Variants in ADGRV1 observed in about 807,000 individuals in gnomAD.
ADGRV1 encodes the protein G-protein coupled receptor 98.
Under a neutral mutation model 596.2 loss-of-function variants are expected in ADGRV1, and 359 were observed. The ratio of observed to expected loss-of-function variants is 0.60; its 90% confidence interval spans 0.55 to 0.66. The LOEUF (loss-of-function observed/expected upper bound fraction) is 0.66, where lower values mean the gene tolerates loss of function less well. ADGRV1 is among the 30% of genes least tolerant of loss of function. The probability of loss-of-function intolerance (pLI) is 0.00; values close to 1 mark genes in which losing one functional copy is unlikely to be tolerated. For synonymous variants in ADGRV1, 2,681 were observed against 2,679.2 expected (o/e 1.00, Z -0.02); for missense variants, 7,274 against 7,575.6 (o/e 0.96, Z 1.48).
chr5:91,105,575 C>T (rs1420023722), intron 87 of ADGRV1, among the ~76,000 whole-genome samples: 4 of 152,088 alleles, frequency 2.6e-5, no homozygotes, highest in African/African-American at 9.7e-5. Context: ...TTTGCATTTC[C>T]CTGATGATTA....
intron 83 of ADGRV1, among the ~76,000 whole-genome samples, chr5:90,930,013 T>G (rs1409359332): frequency 1.3e-5 from 2 of 152,218 alleles, no homozygotes; most frequent in Non-Finnish European, 2.9e-5. Flanking sequence ...ATATTTAAAA[T>G]AGGCATTAAT....
At chr5:90,799,292 C>T (rs1255004286) in intron 70 of ADGRV1, among the ~76,000 whole-genome samples, 1 of 152,146 alleles carries the variant, frequency 6.6e-6, no homozygotes, top group Non-Finnish European at 1.5e-5. Context: ...AACAAACAAA[C>T]AGAGAGCCAG....
intron 89 of ADGRV1, among the ~76,000 whole-genome samples, chr5:91,157,149 C>A (rs1345680558): frequency 1.3e-5 from 2 of 152,146 alleles, no homozygotes; most frequent in African/African-American, 4.8e-5. Flanking sequence ...AACCTTGGTC[C>A]CTCTCAGGTC....
At chr5:91,159,844 C>T (rs564887346) in intron 89 of ADGRV1, among the ~76,000 whole-genome samples, 26 of 152,268 alleles carry the variant, frequency 1.7e-4, no homozygotes, top group Admixed American at 1.4e-3. Flanking sequence ...AACAAAGACT[C>T]AGGATGAGGG....
At chr5:91,059,599 A>G (rs1787216263) in intron 85 of ADGRV1, among the ~76,000 whole-genome samples, 1 of 152,214 alleles carries the variant, frequency 6.6e-6, no homozygotes. Flanking sequence ...GCCTCTACAT[A>G]TGTATGATCT....
Position 90,756,600 on chromosome 5 carries a change from C to T in ADGRV1, c.11727C>T (p.Pro3909=). 1 of 1,613,616 alleles carries T rather than the reference C, an allele frequency of 6.2e-7. No individual in the cohort carries two copies. Among genetic ancestry groups the T allele is most frequent in the Non-Finnish European group, 8.5e-7 (1 of 1,179,664 alleles). ...AEIMIEENDD[P]RGIFMFHVTR... is the part of the protein sequence containing the mutation. The stretch of plus-strand genomic sequence containing the variant: ...TAATGATAGAAGAAAATGACGATCC[C>T]AGAGGAATTTTTATGTTTCATGTTA... The change falls in exon 56 of 90, where the codon CCC becomes CCT. Residue 3909 remains proline, a synonymous_variant. Transcript: ENST00000405460.
chr5:90,783,045 T>C, intron 65 of ADGRV1, 79 bp from the exon 66 acceptor site: 1 of 1,119,676 alleles, frequency 8.9e-7, no homozygotes, highest in Non-Finnish European at 1.3e-6. Flanking sequence ...TATGTTTAAT[T>C]GCCAGGTTTA....
chr5:90,765,724 A>G (rs1254841448), intron 59 of ADGRV1, among the ~76,000 whole-genome samples: 1 of 151,606 alleles, frequency 6.6e-6, no homozygotes, highest in African/African-American at 2.4e-5. Flanking sequence ...GTTTTTGGAG[A>G]CAAGGGGTCT....
intron 1 of ADGRV1, among the ~76,000 whole-genome samples, chr5:90,578,831 T>G (rs1415914551): frequency 2.0e-5 from 3 of 152,320 alleles, no homozygotes; most frequent in Middle Eastern, 3.4e-3. Context: ...CTTCCTGGTG[T>G]AGTCTTGGGA....
At chr5:90,997,183 T>C (rs1273861043) in intron 85 of ADGRV1, among the ~76,000 whole-genome samples, 1 of 152,040 alleles carries the variant, frequency 6.6e-6, no homozygotes, top group African/African-American at 2.4e-5. Context: ...TATGATATAG[T>C]TTGGTTATGT....
intron 79 of ADGRV1, among the ~76,000 whole-genome samples, chr5:90,852,198 C>T (rs559847058): frequency 2.4e-4 from 37 of 152,204 alleles, no homozygotes; most frequent in African/African-American, 8.4e-4. Context: ...AATAGGGTAG[C>T]TGAGGTTACA....
At chr5:90,644,624 GTTTA>G (rs1767462793) in intron 14 of ADGRV1, 78 bp from the exon 15 acceptor site, 1 of 1,086,808 alleles carries the variant, frequency 9.2e-7, no homozygotes, top group East Asian at 2.5e-5. Flanking sequence ...TTTTATTTTT[GTTTA>G]TTTAACCGAT....
chr5:90,815,830 T>C (rs1236582014), intron 75 of ADGRV1, 94 bp downstream of exon 75: 4 of 722,246 alleles, frequency 5.5e-6, no homozygotes, highest in East Asian at 2.8e-5. Context: ...CAGGGTAAGA[T>C]AGAAGGAGGT....
intron 87 of ADGRV1, among the ~76,000 whole-genome samples, chr5:91,115,587 T>C (rs1045635487): frequency 6.6e-6 from 1 of 152,178 alleles, no homozygotes; most frequent in African/African-American, 2.4e-5. Context: ...AAGATTGAGC[T>C]TCAGAAATGA....
chr5:91,011,547 A>G (rs1313800993), intron 85 of ADGRV1, among the ~76,000 whole-genome samples: 1 of 151,972 alleles, frequency 6.6e-6, no homozygotes, highest in Non-Finnish European at 1.5e-5. Context: ...TGTTCAGAAT[A>G]CTTTTGTAGA....
intron 2 of ADGRV1, 27 bp from the exon 3 acceptor site, chr5:90,617,777 G>T: frequency 6.4e-7 from 1 of 1,563,504 alleles, no homozygotes; most frequent in Non-Finnish European, 8.7e-7. Context: ...TGTTAAATAA[G>T]AATGATCTAT....
intron 1 of ADGRV1, among the ~76,000 whole-genome samples, chr5:90,614,434 T>C (rs116714351): frequency 6.6e-6 from 1 of 152,080 alleles, no homozygotes; most frequent in Non-Finnish European, 1.5e-5. Flanking sequence ...TTCAACTGTT[T>C]CAGTTTTGGC....
chr5:91,102,007 A>T (rs1310385120), intron 86 of ADGRV1, among the ~76,000 whole-genome samples: 1 of 152,152 alleles, frequency 6.6e-6, no homozygotes, highest in African/African-American at 2.4e-5. Flanking sequence ...ATCCTCCCCC[A>T]GCCATCCCTG....
At chr5:90,978,802 A>C (rs550836503) in intron 84 of ADGRV1, among the ~76,000 whole-genome samples, 3 of 152,354 alleles carry the variant, frequency 2.0e-5, no homozygotes, top group African/African-American at 7.2e-5. Flanking sequence ...ACTCAAAACT[A>C]AACCAAATAA....
Sources: gnomAD v4.1 joint callset for allele counts (sites outside exome capture counted in the v4.1 genomes callset) on GRCh38, gnomAD v4.1.1 for gene constraint, MANE v1.5 for transcripts, NCBI Gene and HGNC (gene_info 2026-07-23, HGNC 2026-07-21) for gene names.